The following MICAL2 variants were observed in gnomAD, a reference collection of about 807,000 sequenced individuals.
MICAL2 encodes [F-actin]-monooxygenase MICAL2.
Under a neutral mutation model 127.3 loss-of-function variants are expected in MICAL2, and 77 were observed. The observed-to-expected ratio is 0.60, with a 90% CI of 0.50 to 0.73. The LOEUF is 0.73. Ranked by LOEUF, MICAL2 falls within the 30% of genes least tolerant of loss-of-function variation. MICAL2 has a pLI of 0.00. For missense variants in MICAL2, 1,351 were observed against 1,434.4 expected (o/e 0.94, Z 0.94); for synonymous variants, 570 against 551.1 (o/e 1.03, Z -0.48).
At chr11:12,339,468 A>G (rs1938823188) in intron 32 of MICAL2, among the ~76,000 whole-genome samples, 1 of 152,056 alleles carries the variant, frequency 6.6e-6, no homozygotes, top group Non-Finnish European at 1.5e-5. Context: ...TTCTCCATCC[A>G]GCTTTGTTCC....
chr11:12,155,025 A>G (rs1269759797), intron 2 of MICAL2, among the ~76,000 whole-genome samples: 1 of 152,150 alleles, frequency 6.6e-6, no homozygotes, highest in Non-Finnish European at 1.5e-5. Flanking sequence ...AAGGGTGGTG[A>G]AATGAGACAG....
chr11:12,207,952 A>G, intron 4 of MICAL2, 71 bp from the exon 5 acceptor site: 1 of 1,156,954 alleles, frequency 8.6e-7, no homozygotes, highest in Non-Finnish European at 1.3e-6. Flanking sequence ...GGCAGTGATT[A>G]TGTAGCATTC....
At chr11:12,246,944 A>G (rs149482614) in intron 21 of MICAL2, among the ~76,000 whole-genome samples, 3 of 152,190 alleles carry the variant, frequency 2.0e-5, no homozygotes, top group Non-Finnish European at 4.4e-5. Context: ...AATATTTCCT[A>G]TGAAAAAATT....
At chr11:12,238,447 G>A (rs1448652002) in intron 16 of MICAL2, among the ~76,000 whole-genome samples, 8 of 152,202 alleles carry the variant, frequency 5.3e-5, no homozygotes, top group South Asian at 2.1e-4. Context: ...CATGCAGCCC[G>A]CTGTACTGGA....
chr11:12,228,560 C>A (rs1376728924), intron 15 of MICAL2, among the ~76,000 whole-genome samples: 1 of 152,140 alleles, frequency 6.6e-6, no homozygotes, highest in Non-Finnish European at 1.5e-5. Context: ...AGGGAGAAAA[C>A]TGAGAACCAA....
At chr11:12,112,438 A>G (rs372829025) in intron 1 of MICAL2, among the ~76,000 whole-genome samples, 1 of 150,756 alleles carries the variant, frequency 6.6e-6, no homozygotes, top group African/African-American at 2.4e-5. Flanking sequence ...TGCTTCTACC[A>G]TTGACCTGGC....
intron 32 of MICAL2, among the ~76,000 whole-genome samples, chr11:12,331,566 A>G (rs945927411): frequency 6.6e-5 from 10 of 152,178 alleles, no homozygotes; most frequent in Non-Finnish European, 2.9e-5. Flanking sequence ...CATGGTTTTC[A>G]CTGCTGCTGA....
downstream of MICAL2, among the ~76,000 whole-genome samples, chr11:12,296,006 T>C (rs573568958): frequency 1.2e-3 from 178 of 152,246 alleles, no homozygotes; most frequent in South Asian, 1.9e-3. Flanking sequence ...TAAACCTGAT[T>C]AAAATTTTTA....
chr11:12,199,287 C>A (rs1432634620), intron 3 of MICAL2, among the ~76,000 whole-genome samples: 2 of 152,044 alleles, frequency 1.3e-5, no homozygotes, highest in African/African-American at 4.8e-5. Context: ...TAGGACAGTG[C>A]CTGGCAAATA....
chr11:12,246,330 T>G (rs1278600915), intron 21 of MICAL2, among the ~76,000 whole-genome samples: 2 of 152,228 alleles, frequency 1.3e-5, no homozygotes, highest in African/African-American at 4.8e-5. Context: ...CGGCTCCCTA[T>G]CAGCCATTAG....
At chr11:12,228,988 G>T (rs1212439581) in intron 15 of MICAL2, among the ~76,000 whole-genome samples, 1 of 152,178 alleles carries the variant, frequency 6.6e-6, no homozygotes, top group Non-Finnish European at 1.5e-5. Context: ...GGATGGCAGG[G>T]TGCCCTCCAC....
At chr11:12,227,877 A>T (rs753704965) in intron 15 of MICAL2, among the ~76,000 whole-genome samples, 11 of 152,260 alleles carry the variant, frequency 7.2e-5, no homozygotes, top group Non-Finnish European at 1.6e-4. Context: ...CTAGAAAATT[A>T]AAAATATTCT....
rs1403350186 is a variant in MICAL2, at chr11:12,239,366, TC to T, written c.2065-66del. 1.3e-4 allele frequency: 201 copies of T among 1,603,778 alleles called. 2 individuals carry two copies. The South Asian group carries it at 1.3e-3, about 11-fold the overall frequency. On this transcript the variant is annotated intron_variant, in intron 16 of 27. Transcript: ENST00000683283. ...CGGGAAGCTAGTCCCACGTCCTGAG[TC>T]CCCAAGTCTGCTTTCTGATATCCAG...
chr11:12,231,897 C>T lies in MICAL2; in HGVS notation c.1996-4280C>T, dbSNP rs537208329. ...CTCAGCGCAATCTCAGTCCAGGATT[C>T]AGAGCTGATTTACAGATTGGGAATG... is the stretch of plus-strand genomic sequence containing the variant. On this transcript the variant is annotated intron_variant, in intron 15 of 27. Transcript: ENST00000683283. Among the ~76,000 whole-genome samples, 45 of 152,294 alleles carry T rather than the reference C, an allele frequency of 3.0e-4. No homozygotes were observed. In the South Asian group the frequency reaches 5.4e-3, roughly 18 times the overall value.
intron 29 of MICAL2, among the ~76,000 whole-genome samples, chr11:12,310,187 T>G (rs1864156788): frequency 6.6e-6 from 1 of 152,104 alleles, no homozygotes; most frequent in Non-Finnish European, 1.5e-5. Context: ...TTGAATAATC[T>G]CAATAGCCTG....
In MICAL2 at chr11:12,113,402, AG is replaced by A. The variant is rs147211231; in HGVS notation, c.-149+2678del. 7.9e-3 allele frequency among the ~76,000 whole-genome samples: 1,198 copies of A among 152,340 alleles called. 12 individuals carry two copies. The highest frequency in any genetic ancestry group is 0.027 in the African/African-American group (1,133 of 41,570). On this transcript the variant is annotated intron_variant, in intron 1 of 27. Coordinates refer to ENST00000683283, the MANE Select transcript of MICAL2 (RefSeq NM_001282663.2). ...TCTTTAGTAACAACAACAACAAAAA[AG>A]GTTACAACTTGCCTGCATCACACAG...
downstream of MICAL2, among the ~76,000 whole-genome samples, chr11:12,288,278 C>A (rs7106920): frequency 6.6e-6 from 1 of 152,110 alleles, no homozygotes; most frequent in Non-Finnish European, 1.5e-5. Flanking sequence ...CTGCTCTGGC[C>A]CTCCCCAAGT....
intron 30 of MICAL2, among the ~76,000 whole-genome samples, chr11:12,321,307 G>A (rs1398633352): frequency 6.6e-6 from 1 of 152,188 alleles, no homozygotes; most frequent in Non-Finnish European, 1.5e-5. Flanking sequence ...GAAGGAAAGA[G>A]AGGAGGTTTT....
chr11:12,210,584 G>C (rs1855329006), intron 6 of MICAL2, among the ~76,000 whole-genome samples: 1 of 152,170 alleles, frequency 6.6e-6, no homozygotes, highest in African/African-American at 2.4e-5. Context: ...CCAACCATAG[G>C]TCATCAATAT....
Sources: allele counts gnomAD v4.1 joint callset (sites outside exome capture counted in the v4.1 genomes callset), GRCh38; gene constraint gnomAD v4.1.1; transcripts MANE v1.5; gene names NCBI Gene and HGNC (gene_info 2026-07-23, HGNC 2026-07-21).